The following DOCK9 variants were observed in gnomAD, a reference collection of about 807,000 sequenced individuals.
DOCK9 encodes dedicator of cytokinesis 9.
A neutral mutation model predicts 263.3 loss-of-function variants in DOCK9; 89 were observed. The ratio of observed to expected loss-of-function variants is 0.34; its 90% CI spans 0.28 to 0.40. The LOEUF (loss-of-function observed/expected upper bound fraction) is 0.40. DOCK9 is among the 10% of genes least tolerant of loss of function. The pLI is 1.00. For missense variants in DOCK9, 2,140 were observed against 2,603.4 expected (o/e 0.82, Z 3.87); for synonymous variants, 976 against 973.1 (o/e 1.00, Z -0.06).
intron 7 of DOCK9, among the ~76,000 whole-genome samples, chr13:98,918,706 T>G (rs1473235983): frequency 6.6e-6 from 1 of 152,186 alleles, no homozygotes; most frequent in African/African-American, 2.4e-5. Flanking sequence ...AATTAAGATA[T>G]GAACAGATAC....
chr13:99,076,407 T>G lies in DOCK9; in HGVS notation c.129+9816A>C, dbSNP rs568618100. ...ACATAGAAAATTAATCTTATACATT[T>G]TGTACAAGATGTGTGGCTGCTTTAA... On this transcript the variant is annotated intron_variant, in intron 1 of 32. Coordinates refer to the DOCK9 transcript ENST00000427887. Among the ~76,000 whole-genome samples the G allele has an allele frequency of 5.8e-5, 8 of 138,650 alleles. No individual in the cohort carries two copies. The South Asian group carries it at 1.4e-3, about 25-fold the overall frequency. The allele number at this position is 138,650 out of a possible 152,430, so 91.0% of individuals were successfully genotyped here.
chr13:99,057,096 C>T (rs1201447617), intron 1 of DOCK9, among the ~76,000 whole-genome samples: 2 of 152,126 alleles, frequency 1.3e-5, no homozygotes, highest in South Asian at 4.1e-4. Context: ...AGAGAGCAGC[C>T]GAGATAAGAG....
chr13:98,814,264 G>A (rs1161321925), intron 45 of DOCK9, among the ~76,000 whole-genome samples: 1 of 152,142 alleles, frequency 6.6e-6, no homozygotes, highest in East Asian at 1.9e-4. Context: ...AGTTTTGCCT[G>A]CTTTTATTGC....
At chr13:98,871,339 TAAAA>T (rs1424188028) in intron 27 of DOCK9, among the ~76,000 whole-genome samples, 1 of 152,172 alleles carries the variant, frequency 6.6e-6, no homozygotes, top group South Asian at 2.1e-4. Context: ...ATGTTTGTAT[TAAAA>T]AGAAAGAATA....
At chr13:98,808,764 A>G (rs1409183869) in intron 47 of DOCK9, 2 of 818,270 alleles carry the variant, frequency 2.4e-6, no homozygotes, top group Admixed American at 2.6e-5. Flanking sequence ...ATGTATTATA[A>G]TTTATACCAT....
At chr13:99,081,519 CG>C (rs540194104) in intron 1 of DOCK9, among the ~76,000 whole-genome samples, 46 of 152,292 alleles carry the variant, frequency 3.0e-4, no homozygotes, top group Middle Eastern at 3.4e-3. Context: ...GTAAGGAAGC[CG>C]GGCAGCCAGA....
intron 10 of DOCK9, 81 bp downstream of exon 10, chr13:98,904,551 A>G: frequency 4.6e-6 from 5 of 1,091,144 alleles, no homozygotes; most frequent in Non-Finnish European, 6.5e-6. Context: ...TAAACAAAGC[A>G]AACAAATAAA....
At chr13:98,955,848 G>A (rs934863792) in intron 1 of DOCK9, among the ~76,000 whole-genome samples, 9 of 152,214 alleles carry the variant, frequency 5.9e-5, no homozygotes, top group African/African-American at 2.2e-4. Context: ...CCCCTTCCAA[G>A]CTTTAGGGTG....
intron 1 of DOCK9, among the ~76,000 whole-genome samples, chr13:98,957,040 T>C (rs2058137601): frequency 6.6e-6 from 1 of 152,180 alleles, no homozygotes; most frequent in Non-Finnish European, 1.5e-5. Flanking sequence ...TTCTAACCAA[T>C]TTTATTCGAG....
chr13:98,984,550 T>C (rs971998070), intron 1 of DOCK9, among the ~76,000 whole-genome samples: 3 of 152,250 alleles, frequency 2.0e-5, no homozygotes, highest in Admixed American at 6.5e-5. Context: ...AACTACTGAT[T>C]ACCTCTGGTA....
At chr13:98,838,563 C>T (rs982170257) in intron 38 of DOCK9, among the ~76,000 whole-genome samples, 11 of 152,126 alleles carry the variant, frequency 7.2e-5, no homozygotes, top group African/African-American at 2.4e-4. Flanking sequence ...TTAGTCACAC[C>T]TAATTTAAAT....
At chr13:98,904,394 T>C (rs977514489) in intron 10 of DOCK9, among the ~76,000 whole-genome samples, 8 of 152,256 alleles carry the variant, frequency 5.3e-5, no homozygotes, top group African/African-American at 1.9e-4. Flanking sequence ...AACTTGAGAA[T>C]GTCTTTCAAT....
chr13:98,977,791 G>C lies in DOCK9; in HGVS notation c.119C>G (p.Pro40Arg). The change falls in exon 1 of 53, where the codon CCT (proline) becomes CGT (arginine). Residue 40 changes from proline (P) to arginine (R), a missense_variant. Transcript: ENST00000682017. ...TGTACGAGACCCTCTTACCGGCACA[G>C]GGCCCGGGCTCTCTGCTTCCACTTC... ...QGEVEAESPG[P>R]VPAKPKLIEP... The C allele has an allele frequency of 1.2e-6, 2 of 1,611,778 alleles. No individual in the cohort carries two copies. The highest frequency in any genetic ancestry group is 2.2e-5 in the South Asian group (2 of 90,404).
chr13:98,948,021 T>G (rs757219075), intron 2 of DOCK9, among the ~76,000 whole-genome samples: 71 of 151,748 alleles, frequency 4.7e-4, no homozygotes, highest in Non-Finnish European at 9.4e-4. Context: ...AAGAAAAGAG[T>G]GAGGACAAAA....
chr13:99,084,058 C>G (rs1191237626), intron 1 of DOCK9, among the ~76,000 whole-genome samples: 1 of 152,210 alleles, frequency 6.6e-6, no homozygotes, highest in Non-Finnish European at 1.5e-5. Context: ...GGCGTGGTTG[C>G]TGCTCTGCCT....
intron 1 of DOCK9, among the ~76,000 whole-genome samples, chr13:98,967,165 C>T (rs563764320): frequency 7.9e-5 from 12 of 152,334 alleles, no homozygotes; most frequent in African/African-American, 2.6e-4. Flanking sequence ...CTTATTTAAC[C>T]TTTTAATCTC....
At chr13:98,850,280 G>A (rs368577279) in intron 35 of DOCK9, among the ~76,000 whole-genome samples, 167 bp from the exon 36 acceptor site, 16 of 152,084 alleles carry the variant, frequency 1.1e-4, no homozygotes, top group East Asian at 3.8e-4. Context: ...ACTCTACACT[G>A]GGTATCACAC....
At chr13:98,797,325 T>G (rs1289314) in intron 51 of DOCK9, 64 bp downstream of exon 51, 4 of 1,608,344 alleles carry the variant, frequency 2.5e-6, no homozygotes, top group African/African-American at 2.7e-5. Flanking sequence ...CAGCATCTCC[T>G]TCCCGAATGA....
At chr13:98,874,765 A>C (rs1467830435) in intron 27 of DOCK9, among the ~76,000 whole-genome samples, 1 of 146,652 alleles carries the variant, frequency 6.8e-6, no homozygotes, top group East Asian at 2.1e-4. Context: ...ATTGATATAA[A>C]AGTTTCCAAG....
Sources: allele counts gnomAD v4.1 joint callset (sites outside exome capture counted in the v4.1 genomes callset), GRCh38; gene constraint gnomAD v4.1.1; transcripts MANE v1.5; gene names NCBI Gene and HGNC (gene_info 2026-07-23, HGNC 2026-07-21).